The following UGT2B11 variants were observed in gnomAD, a reference collection of about 807,000 sequenced individuals.
The protein encoded by UGT2B11 is UDP-glucuronosyltransferase 2B11.
In UGT2B11, 49 loss-of-function variants were observed where a neutral mutation model predicts 51.7. The ratio of observed to expected loss-of-function variants is 0.95; its 90% confidence interval spans 0.75 to 1.20. The LOEUF (loss-of-function observed/expected upper bound fraction) is 1.20. Among genes scored for constraint, UGT2B11 ranks in the 50% most tolerant of loss-of-function variants. The probability of loss-of-function intolerance (pLI) is 0.00; values close to 1 mark genes in which losing one functional copy is unlikely to be tolerated. For missense variants in UGT2B11, 810 were observed against 622.1 expected, an observed-to-expected ratio of 1.30 and a Z score of -3.21; for synonymous variants, 273 against 209.0, an observed-to-expected ratio of 1.31 and a Z score of -2.64.
the UGT2B11 span, among the ~76,000 whole-genome samples, chr4:69,224,679 C>T: frequency 2.0e-5 from 3 of 151,864 alleles, no homozygotes; most frequent in Non-Finnish European, 4.4e-5. Flanking sequence ...AGGTTCTTGC[C>T]TTAGCCACGC....
Position 69,200,209 on chromosome 4 carries a change from A to T in UGT2B11, c.*231T>A. The T allele has an allele frequency of 2.2e-6, 1 of 460,452 alleles. No individual in the cohort carries two copies. Among genetic ancestry groups the T allele is most frequent in the Non-Finnish European group, 3.3e-6 (1 of 300,470 alleles). The allele number at this position is 460,452 out of a possible 1,614,324, so 28.5% of individuals were successfully genotyped here. A position where few individuals can be genotyped will look rare whatever the true frequency, so the allele number is the denominator to read the frequency against. ...CTCAAATGGCTTTATATTATTTTTT[A>T]ATTTTCCTAGTATTTTCTTCATTGC... On this transcript the variant is annotated 3_prime_UTR_variant, in exon 6 of 6. Coordinates refer to ENST00000446444, the MANE Select transcript of UGT2B11 (RefSeq NM_001073.3).
upstream of UGT2B11, among the ~76,000 whole-genome samples, chr4:69,217,538 C>A (rs965385364): frequency 2.0e-5 from 3 of 151,980 alleles, no homozygotes; most frequent in African/African-American, 4.8e-5. Flanking sequence ...ACTGACATAC[C>A]TCACCTATAA....
Position 69,200,529 on chromosome 4 carries a change from C to A in UGT2B11, c.1501G>T (p.Val501Leu). 1 of 1,612,272 alleles carries A rather than the reference C, an allele frequency of 6.2e-7. No individual in the cohort carries two copies. The highest frequency in any genetic ancestry group is 8.5e-7 in the Non-Finnish European group (1 of 1,178,936). ...LDVIGFLLAC[V>L]ATVIFIITKF... is the part of the protein sequence containing the mutation. ...GTGATGATAAATATCACAGTTGCCA[C>A]ACAGGCCAGCAGAAACCCAATCACA... The change falls in exon 6 of 6, where the codon GTG becomes TTG. Residue 501 changes from valine (V) to leucine (L), a missense_variant. Transcript: ENST00000446444.
chr4:69,222,351 G>A, the UGT2B11 span, among the ~76,000 whole-genome samples: 7 of 152,324 alleles, frequency 4.6e-5, no homozygotes, highest in South Asian at 1.5e-3. Context: ...GAAAAGCAGA[G>A]GGGTTTTCCT....
At chr4:69,202,152 C>A (rs1260501786) in intron 5 of UGT2B11, among the ~76,000 whole-genome samples, 2 of 151,822 alleles carry the variant, frequency 1.3e-5, no homozygotes, top group South Asian at 4.2e-4. Context: ...GATTGATAAA[C>A]CACAGATTAT....
chr4:69,212,376 C>T (rs1481109189), intron 2 of UGT2B11, among the ~76,000 whole-genome samples, 197 bp downstream of exon 2: 1 of 151,566 alleles, frequency 6.6e-6, no homozygotes, highest in African/African-American at 2.4e-5. Context: ...CTATTCCTCT[C>T]TATTTGTAAT....
At chr4:69,221,850 G>C in the UGT2B11 span, among the ~76,000 whole-genome samples, 1 of 152,248 alleles carries the variant, frequency 6.6e-6, no homozygotes, top group Non-Finnish European at 1.5e-5. Context: ...GCTTGCCCCA[G>C]GCACACTCAG....
Position 69,213,978 on chromosome 4 carries a change from G to C in UGT2B11, c.721+24C>G, listed in dbSNP as rs377174667. The C allele has an allele frequency of 6.5e-5, 100 of 1,533,714 alleles. 1 individual carries two copies. The highest frequency in any genetic ancestry group is 4.3e-5 in the Non-Finnish European group (49 of 1,144,320). The stretch of plus-strand genomic sequence containing the variant: ...AGACACAAATAAGTTAGATCTTCAC[G>C]TTACCGATTAAACAAATTCTTACCT... On this transcript the variant is annotated intron_variant, in intron 1 of 5. Transcript: ENST00000446444.
At chr4:69,211,627 A>G (rs767901470) in intron 2 of UGT2B11, among the ~76,000 whole-genome samples, 2 of 151,478 alleles carry the variant, frequency 1.3e-5, no homozygotes, top group African/African-American at 4.8e-5. Context: ...TTTCCACACA[A>G]CACAATATGA....
chr4:69,204,703 C>T (rs1721785652), intron 4 of UGT2B11, 54 bp from the exon 5 acceptor site: 2 of 1,608,734 alleles, frequency 1.2e-6, no homozygotes, highest in Non-Finnish European at 1.7e-6. Flanking sequence ...ATGAGATGCA[C>T]AATGAAAGGT....
the UGT2B11 span, among the ~76,000 whole-genome samples, chr4:69,223,571 G>A: frequency 5.3e-5 from 8 of 152,290 alleles, no homozygotes; most frequent in African/African-American, 1.7e-4. Flanking sequence ...CAAGGCCTGG[G>A]ACTGAGGCAC....
At chr4:69,223,652 T>C in the UGT2B11 span, among the ~76,000 whole-genome samples, 1 of 152,124 alleles carries the variant, frequency 6.6e-6, no homozygotes, top group Admixed American at 6.6e-5. Flanking sequence ...AGGAGAAATC[T>C]CTGAATTAGC....
rs267600221 is a variant in UGT2B11, at chr4:69,214,204, G to A, written c.519C>T (p.Arg173=). 2 of 1,613,184 alleles carry A rather than the reference G, an allele frequency of 1.2e-6. No homozygotes were observed. The highest frequency in any genetic ancestry group is 1.7e-6 in the Non-Finnish European group (2 of 1,179,474). The change falls in exon 1 of 6, where the codon CGC becomes CGT. Residue 173 remains arginine (R), a synonymous_variant. Transcript: ENST00000446444. ...LLNIRFVYSL[R]FTPGYTIERH... Reference sequence around the variant, plus strand: ...TTTCAATTGTGTAGCCAGGAGTAAAGCGGAGACTGTACACAAACCGTATGT... The same window carrying A: ...TTTCAATTGTGTAGCCAGGAGTAAAACGGAGACTGTACACAAACCGTATGT...
In UGT2B11 at chr4:69,200,282, A is replaced by C; in HGVS notation, c.*158T>G. ...CCTGGGTGGTAAATCTCTGAAAAAC[A>C]AATTTTTACTTGACAAGGTAGATTT... is the stretch of plus-strand genomic sequence containing the variant. On this transcript the variant is annotated 3_prime_UTR_variant, in exon 6 of 6. Coordinates refer to ENST00000446444, the MANE Select transcript of UGT2B11 (RefSeq NM_001073.3). 2 of 1,184,840 alleles carry C rather than the reference A, an allele frequency of 1.7e-6. No individual in the cohort carries two copies. Among genetic ancestry groups the C allele is most frequent in the Non-Finnish European group, 2.2e-6 (2 of 918,394 alleles). The allele number at this position is 1,184,840 out of a possible 1,614,324, so 73.4% of individuals were successfully genotyped here. A position where few individuals can be genotyped will look rare whatever the true frequency, so the allele number is the denominator to read the frequency against.
upstream of UGT2B11, among the ~76,000 whole-genome samples, chr4:69,217,227 C>T (rs1041264847): frequency 7.2e-5 from 11 of 152,042 alleles, no homozygotes; most frequent in African/African-American, 2.7e-4. Context: ...TCTTGTAATT[C>T]AGGTAATTTG....
chr4:69,224,663 T>C, the UGT2B11 span, among the ~76,000 whole-genome samples: 1 of 151,618 alleles, frequency 6.6e-6, no homozygotes. Context: ...AAAAATGTAA[T>C]GCCAAAGGTT....
In UGT2B11 at chr4:69,200,044, T is replaced by C. The variant is rs1364600126; in HGVS notation, c.*396A>G. 2 of 159,728 alleles carry C rather than the reference T, an allele frequency of 1.3e-5. No homozygotes were observed. Among genetic ancestry groups the C allele is most frequent in the African/African-American group, 4.8e-5 (2 of 41,502 alleles). The allele number at this position is 159,728 out of a possible 1,614,324, so 9.9% of individuals were successfully genotyped here. On this transcript the variant is annotated 3_prime_UTR_variant, in exon 6 of 6. Transcript: ENST00000446444. ...CAAATTATTCTGAGGATGTGACTACTGATACTGTCAGTAGACTTCTTAATG... is the reference window on the plus strand; with the variant it reads ...CAAATTATTCTGAGGATGTGACTACCGATACTGTCAGTAGACTTCTTAATG...
chr4:69,215,929 A>G (rs1180560075), upstream of UGT2B11: 2 of 152,072 alleles, frequency 1.3e-5, no homozygotes, highest in African/African-American at 4.8e-5. Context: ...CTGTAAAACT[A>G]ATCTCACTTC....
intron 5 of UGT2B11, among the ~76,000 whole-genome samples, chr4:69,202,714 T>A (rs559185504): frequency 1.3e-5 from 2 of 151,924 alleles, no homozygotes; most frequent in South Asian, 4.1e-4. Flanking sequence ...TCTGTTTAGA[T>A]TGAGTGAAAG....
Sources: gnomAD v4.1 joint callset for allele counts (sites outside exome capture counted in the v4.1 genomes callset) on GRCh38, gnomAD v4.1.1 for gene constraint, MANE v1.5 for transcripts, NCBI Gene and HGNC (gene_info 2026-07-23, HGNC 2026-07-21) for gene names.